SETD5: variants seen among roughly 807,000 people sequenced by gnomAD.
The protein encoded by SETD5 is SET domain containing 5.
A neutral mutation model predicts 153.3 loss-of-function variants in SETD5; 44 were observed. The ratio of observed to expected loss-of-function variants is 0.29; its 90% CI spans 0.23 to 0.37. SETD5 has a LOEUF of 0.37. SETD5 is among the 10% of genes least tolerant of loss of function. SETD5 has a pLI of 1.00. For missense variants in SETD5, 1,544 were observed against 1,768.0 expected, an observed-to-expected ratio of 0.87 and a Z score of 2.27; for synonymous variants, 716 against 645.2, an observed-to-expected ratio of 1.11 and a Z score of -1.66.
At chr3:9,439,647 T>C (rs1260639248) in intron 7 of SETD5, among the ~76,000 whole-genome samples, 1 of 152,198 alleles carries the variant, frequency 6.6e-6, no homozygotes, top group Non-Finnish European at 1.5e-5. Flanking sequence ...TCAGGCACTG[T>C]CTGCCTAGGA....
At chr3:9,431,227 C>T in intron 3 of SETD5, 1 of 985,244 alleles carries the variant, frequency 1.0e-6, no homozygotes, top group Non-Finnish European at 1.2e-6. Flanking sequence ...TCTGAATTTC[C>T]AACTCTACCA....
intron 17 of SETD5, among the ~76,000 whole-genome samples, chr3:9,463,739 A>C (rs2044243063): frequency 6.6e-6 from 1 of 152,234 alleles, no homozygotes; most frequent in Non-Finnish European, 1.5e-5. Flanking sequence ...TGGTGAAAGG[A>C]ATTTGGATTT....
chr3:9,400,784 C>G (rs1015480737), intron 1 of SETD5, among the ~76,000 whole-genome samples: 5 of 152,168 alleles, frequency 3.3e-5, no homozygotes, highest in African/African-American at 1.2e-4. Context: ...AAGTCTAGTT[C>G]AGGATACTGA....
At position 9,464,043 on chromosome 3, in the gene SETD5, A is replaced by G. The variant is rs920551905; in HGVS notation, c.2477-382A>G. Among the ~76,000 whole-genome samples the G allele has an allele frequency of 2.6e-5, 4 of 152,260 alleles. No individual in the cohort carries two copies. The East Asian group carries it at 7.7e-4, about 29-fold the overall frequency. ...CTCGGGAGGCTGAGGCAGGTGAATC[A>G]CTTGAACCCGGGAGACGGAGGTTGC... On this transcript the variant is annotated intron_variant, in intron 17 of 22. Coordinates refer to ENST00000402198, the MANE Select transcript of SETD5 (RefSeq NM_001080517.3).
chr3:9,422,405 T>C (rs531281672), intron 1 of SETD5, among the ~76,000 whole-genome samples: 77 of 152,312 alleles, frequency 5.1e-4, no homozygotes, highest in African/African-American at 1.5e-3. Flanking sequence ...AGAGTGTATG[T>C]ATATTTGTGT....
chr3:9,453,575 G>C (rs1312946447), intron 16 of SETD5, among the ~76,000 whole-genome samples, 164 bp from the exon 17 acceptor site: 1 of 152,100 alleles, frequency 6.6e-6, no homozygotes, highest in Non-Finnish European at 1.5e-5. Flanking sequence ...GAATTGATAG[G>C]ACAATGTTCC....
chr3:9,425,436 A>G (rs1055492526), intron 2 of SETD5, among the ~76,000 whole-genome samples: 4 of 152,136 alleles, frequency 2.6e-5, no homozygotes, highest in Admixed American at 6.6e-5. Flanking sequence ...GAATGTAGCA[A>G]TCATTTATTC....
At chr3:9,411,123 A>T (rs1412821313) in intron 1 of SETD5, among the ~76,000 whole-genome samples, 1 of 152,062 alleles carries the variant, frequency 6.6e-6, no homozygotes, top group Non-Finnish European at 1.5e-5. Flanking sequence ...TCCTAACTTC[A>T]GGTGAGCCAC....
chr3:9,410,703 G>A (rs916537576), intron 1 of SETD5, among the ~76,000 whole-genome samples: 2 of 152,038 alleles, frequency 1.3e-5, no homozygotes, highest in Non-Finnish European at 2.9e-5. Context: ...AGCAGAAGAA[G>A]CATTTAGGTT....
intron 11 of SETD5, among the ~76,000 whole-genome samples, chr3:9,444,615 G>T (rs776745536): frequency 3.3e-5 from 5 of 152,092 alleles, no homozygotes; most frequent in South Asian, 2.1e-4. Context: ...GTTACGTCAG[G>T]CGCGGTGACT....
At chr3:9,405,845 T>G (rs2035567208) in intron 1 of SETD5, among the ~76,000 whole-genome samples, 1 of 152,224 alleles carries the variant, frequency 6.6e-6, no homozygotes, top group Non-Finnish European at 1.5e-5. Context: ...CATCTCTGTG[T>G]CCTGTTATGT....
Position 9,448,260 on chromosome 3 carries a change from A to G in SETD5, c.2104-128A>G, listed in dbSNP as rs1195383202. On this transcript the variant is annotated intron_variant, in intron 15 of 22. Transcript: ENST00000402198. ...GTGAAGGAAGATATCCTTGTGTTCT[A>G]GTTGCTCAATTCATTCTTACTGCAG... is the stretch of plus-strand genomic sequence containing the variant. 2.2e-6 allele frequency: 3 copies of G among 1,378,456 alleles called. No individual in the cohort carries two copies. In the South Asian group the frequency reaches 4.5e-5, roughly 21 times the overall value. The allele number at this position is 1,378,456 out of a possible 1,614,324, so 85.4% of individuals were successfully genotyped here.
intron 3 of SETD5, chr3:9,429,262 T>C (rs1000667013): frequency 1.1e-5 from 3 of 261,840 alleles, no homozygotes; most frequent in South Asian, 6.2e-5. Flanking sequence ...AGGAATTCAT[T>C]TTCATTTGTT....
chr3:9,450,423 G>A (rs536965700), intron 16 of SETD5, among the ~76,000 whole-genome samples: 18 of 152,288 alleles, frequency 1.2e-4, no homozygotes, highest in African/African-American at 4.1e-4. Flanking sequence ...AACTGTTTAA[G>A]TCATTGCTTT....
intron 1 of SETD5, among the ~76,000 whole-genome samples, chr3:9,417,319 A>G (rs568615740): frequency 6.6e-6 from 1 of 152,306 alleles, no homozygotes; most frequent in South Asian, 2.1e-4. Context: ...GTCAGGTGCT[A>G]GTGCCAGCAC....
chr3:9,405,976 C>A (rs1405144531), intron 1 of SETD5, among the ~76,000 whole-genome samples: 1 of 152,168 alleles, frequency 6.6e-6, no homozygotes, highest in African/African-American at 2.4e-5. Context: ...TAATAATCAA[C>A]TGTTTGGGCA....
At chr3:9,432,922 T>C (rs1024230958) in intron 3 of SETD5, among the ~76,000 whole-genome samples, 5 of 152,224 alleles carry the variant, frequency 3.3e-5, no homozygotes, top group African/African-American at 1.2e-4. Flanking sequence ...CTCATTTCTG[T>C]AGTGGAAAGA....
intron 1 of SETD5, among the ~76,000 whole-genome samples, chr3:9,402,673 T>C (rs575238757): frequency 6.6e-6 from 1 of 152,294 alleles, no homozygotes; most frequent in East Asian, 1.9e-4. Context: ...TATGAAGTAA[T>C]GAGAAGCATT....
chr3:9,428,342 T>A (rs1233324842), intron 2 of SETD5, among the ~76,000 whole-genome samples: 1 of 152,208 alleles, frequency 6.6e-6, no homozygotes, highest in African/African-American at 2.4e-5. Flanking sequence ...CAAATTGATC[T>A]CTTTTAATTT....
Sources: gnomAD v4.1 joint callset for allele counts (sites outside exome capture counted in the v4.1 genomes callset) on GRCh38, gnomAD v4.1.1 for gene constraint, MANE v1.5 for transcripts, NCBI Gene and HGNC (gene_info 2026-07-23, HGNC 2026-07-21) for gene names.